ROBO2: variants seen among roughly 807,000 people sequenced by gnomAD.
ROBO2 encodes roundabout guidance receptor 2.
A neutral mutation model predicts 160.8 loss-of-function variants in ROBO2; 53 were observed. The observed-to-expected ratio is 0.33, with a 90% confidence interval of 0.26 to 0.41. ROBO2 has a LOEUF of 0.41. Ranked by LOEUF, ROBO2 falls within the 10% of genes least tolerant of loss-of-function variation. The pLI is 1.00. For missense variants in ROBO2, 1,577 were observed against 1,722.4 expected, an observed-to-expected ratio of 0.92 and a Z score of 1.49; for synonymous variants, 664 against 611.7, an observed-to-expected ratio of 1.09 and a Z score of -1.26.
intron 2 of ROBO2, chr3:76,433,870 T>C: frequency 1.7e-6 from 1 of 571,730 alleles, no homozygotes; most frequent in South Asian, 2.1e-5. Flanking sequence ...CACATCTCTA[T>C]CTATTTTCTT....
intron 2 of ROBO2, among the ~76,000 whole-genome samples, chr3:76,459,686 C>A (rs2106744315): frequency 6.6e-6 from 1 of 152,198 alleles, no homozygotes; most frequent in Middle Eastern, 3.4e-3. Context: ...GACATATACT[C>A]CACTGATCTT....
At position 76,947,328 on chromosome 3, in the gene ROBO2, A is replaced by C. The variant is rs1160637942; in HGVS notation, c.110-150686A>C. On this transcript the variant is annotated intron_variant, in intron 2 of 26. Coordinates refer to the ROBO2 transcript ENST00000487694. ...GGCCAGAATGTTATTTTTTTCTAAA[A>C]GAATTTCATTCTTTTTCAGAATAGT... Among the ~76,000 whole-genome samples, 3 of 152,288 alleles carry C rather than the reference A, an allele frequency of 2.0e-5. No individual in the cohort carries two copies. In the East Asian group the frequency reaches 5.8e-4, roughly 29 times the overall value.
At chr3:77,528,406 T>C (rs1221361991) in intron 6 of ROBO2, among the ~76,000 whole-genome samples, 1 of 151,064 alleles carries the variant, frequency 6.6e-6, no homozygotes, top group African/African-American at 2.4e-5. Flanking sequence ...CTGATATATA[T>C]GTTGGTTCAG....
intron 2 of ROBO2, among the ~76,000 whole-genome samples, chr3:76,893,210 A>G (rs1178671258): frequency 2.0e-5 from 3 of 151,968 alleles, no homozygotes. Flanking sequence ...AGACACACAC[A>G]CACATACACA....
At chr3:76,380,786 G>A (rs1358929709) in intron 2 of ROBO2, among the ~76,000 whole-genome samples, 1 of 152,054 alleles carries the variant, frequency 6.6e-6, no homozygotes. Context: ...AGGGTCAACT[G>A]TATTCACAAA....
intron 1 of ROBO2, among the ~76,000 whole-genome samples, chr3:75,908,306 G>A (rs548696188): frequency 7.5e-4 from 114 of 152,180 alleles, no homozygotes; most frequent in African/African-American, 2.6e-3. Flanking sequence ...GTTAATCAAA[G>A]TATGTAATAT....
At chr3:76,981,438 T>C (rs1169708026) in intron 2 of ROBO2, among the ~76,000 whole-genome samples, 1 of 152,206 alleles carries the variant, frequency 6.6e-6, no homozygotes, top group East Asian at 1.9e-4. Context: ...GGCTATAACT[T>C]TGAACAACTT....
chr3:77,163,825 A>T (rs1357723483), intron 2 of ROBO2, among the ~76,000 whole-genome samples: 1 of 152,194 alleles, frequency 6.6e-6, no homozygotes, highest in African/African-American at 2.4e-5. Flanking sequence ...TTTAAAAAAA[A>T]ATCTATATTT....
At chr3:76,927,448 G>T (rs1334303461) in intron 2 of ROBO2, among the ~76,000 whole-genome samples, 5 of 152,066 alleles carry the variant, frequency 3.3e-5, no homozygotes, top group African/African-American at 1.2e-4. Flanking sequence ...CATAGCAGTG[G>T]AAAACCTTAT....
intron 14 of ROBO2, among the ~76,000 whole-genome samples, chr3:77,576,027 C>T (rs1040671311): frequency 6.6e-6 from 1 of 151,996 alleles, no homozygotes; most frequent in East Asian, 1.9e-4. Flanking sequence ...GAAGCTGAGT[C>T]CTGGAATAAT....
intron 2 of ROBO2, among the ~76,000 whole-genome samples, chr3:76,851,724 A>G (rs1339149579): frequency 7.6e-6 from 1 of 132,328 alleles, no homozygotes. Context: ...GGTGGGCGAC[A>G]GAGCGAGACT....
intron 2 of ROBO2, among the ~76,000 whole-genome samples, chr3:77,426,053 G>A (rs1414415996): frequency 6.6e-6 from 1 of 152,064 alleles, no homozygotes; most frequent in African/African-American, 2.4e-5. Context: ...AAAGATTCCT[G>A]GGATTACTGT....
At chr3:77,027,453 G>A (rs1206262587) in intron 2 of ROBO2, among the ~76,000 whole-genome samples, 3 of 152,096 alleles carry the variant, frequency 2.0e-5, no homozygotes, top group South Asian at 2.1e-4. Context: ...AGAAATGATC[G>A]GTAAACATTC....
intron 1 of ROBO2, among the ~76,000 whole-genome samples, chr3:77,097,445 A>G (rs1324947255): frequency 6.6e-6 from 1 of 152,168 alleles, no homozygotes; most frequent in Non-Finnish European, 1.5e-5. Context: ...CTCTTCAGTC[A>G]AACACACCTG....
chr3:76,911,371 CAG>C (rs2075982769), intron 2 of ROBO2, among the ~76,000 whole-genome samples: 1 of 152,032 alleles, frequency 6.6e-6, no homozygotes, highest in African/African-American at 2.4e-5. Context: ...CCCTTAAAAT[CAG>C]GGGAAAAACA....
intron 2 of ROBO2, among the ~76,000 whole-genome samples, chr3:77,273,791 G>A (rs879943313): frequency 6.6e-6 from 1 of 152,128 alleles, no homozygotes; most frequent in Non-Finnish European, 1.5e-5. Context: ...GGTTGGGGAG[G>A]GAATTAACTG....
intron 2 of ROBO2, among the ~76,000 whole-genome samples, chr3:77,020,459 A>T (rs2149502629): frequency 6.6e-6 from 1 of 152,328 alleles, no homozygotes; most frequent in East Asian, 1.9e-4. Context: ...CGGTCTATTT[A>T]AGCAAATGCT....
chr3:76,380,435 A>G (rs2076560537), intron 2 of ROBO2, among the ~76,000 whole-genome samples: 2 of 152,046 alleles, frequency 1.3e-5, no homozygotes, highest in South Asian at 4.1e-4. Flanking sequence ...CCCTCAAACA[A>G]CCCGAGTTTG....
At chr3:77,166,122 G>A (rs2079051136) in intron 2 of ROBO2, among the ~76,000 whole-genome samples, 2 of 152,048 alleles carry the variant, frequency 1.3e-5, no homozygotes, top group South Asian at 4.1e-4. Context: ...GCCAGATGTG[G>A]TGGCATGTGC....
Sources: allele counts gnomAD v4.1 joint callset (sites outside exome capture counted in the v4.1 genomes callset), GRCh38; gene constraint gnomAD v4.1.1; transcripts MANE v1.5; gene names NCBI Gene and HGNC (gene_info 2026-07-23, HGNC 2026-07-21).